Variants in DCLRE1C observed in about 807,000 individuals in gnomAD.
DCLRE1C encodes the protein DNA cross-link repair 1C, also known as protein artemis.
In DCLRE1C, 47 loss-of-function variants were observed where a neutral mutation model predicts 61.4. The observed-to-expected ratio is 0.77, with a 90% CI of 0.61 to 0.98. DCLRE1C has a LOEUF of 0.98. Among genes scored for constraint, DCLRE1C ranks in the 50% least tolerant of loss-of-function variants. The probability of loss-of-function intolerance (pLI) is 0.00; values close to 1 mark genes in which losing one functional copy is unlikely to be tolerated. For synonymous variants in DCLRE1C, 337 were observed against 287.6 expected, an observed-to-expected ratio of 1.17 and a Z score of -1.74; for missense variants, 858 against 816.0, an observed-to-expected ratio of 1.05 and a Z score of -0.63.
chr10:14,903,918 C>A (rs1834183014), downstream of DCLRE1C: 1 of 152,176 alleles, frequency 6.6e-6, no homozygotes, highest in Non-Finnish European at 1.5e-5. Context: ...AGACTTTATT[C>A]ATTATATTGC....
At chr10:14,945,348 G>A in intron 2 of DCLRE1C, 159 bp from the exon 3 acceptor site, 1 of 1,382,358 alleles carries the variant, frequency 7.2e-7, no homozygotes. Context: ...TACTAGCCTG[G>A]CATGGTTATG....
rs959243137 is a variant in DCLRE1C, at chr10:14,907,640, C to A, written c.*768G>T. 1.3e-5 allele frequency among the ~76,000 whole-genome samples: 2 copies of A among 152,010 alleles called. No homozygotes were observed. Among genetic ancestry groups the A allele is most frequent in the East Asian group, 1.9e-4 (1 of 5,174 alleles). On this transcript the variant is annotated 3_prime_UTR_variant, in exon 14 of 14. Coordinates refer to ENST00000378278, the MANE Select transcript of DCLRE1C (RefSeq NM_001033855.3). Reference sequence around the variant, plus strand: ...CTTCTTGGTGAACTAGACCTTTTATCATTAGGAAACTGTCCATATAACCAC... The same window carrying A: ...CTTCTTGGTGAACTAGACCTTTTATAATTAGGAAACTGTCCATATAACCAC...
intron 1 of DCLRE1C, among the ~76,000 whole-genome samples, chr10:14,949,454 T>C (rs7910278): frequency 0.98 from 149,334 of 152,338 alleles, 73,212 homozygotes; most frequent in Middle Eastern, 1. Flanking sequence ...CCATTCACTT[T>C]CTGCCACTTA....
chr10:14,900,528 A>G (rs1833931052), downstream of DCLRE1C, among the ~76,000 whole-genome samples: 1 of 152,196 alleles, frequency 6.6e-6, no homozygotes, highest in Non-Finnish European at 1.5e-5. Context: ...TCTTAATGAT[A>G]AATTCGAGAT....
At chr10:14,924,665 G>C (rs926514988) in intron 11 of DCLRE1C, among the ~76,000 whole-genome samples, 1 of 151,926 alleles carries the variant, frequency 6.6e-6, no homozygotes, top group African/African-American at 2.4e-5. Flanking sequence ...TGGCTAACAC[G>C]GTGAAACCCC....
At chr10:14,915,522 A>G (rs1836030445) in intron 13 of DCLRE1C, among the ~76,000 whole-genome samples, 1 of 152,044 alleles carries the variant, frequency 6.6e-6, no homozygotes, top group Admixed American at 6.6e-5. Flanking sequence ...ATGCCAAAAA[A>G]TTAAGCAACA....
Position 14,947,210 on chromosome 10 carries a change from T to TCAAA in DCLRE1C, c.161+1822_161+1825dup, listed in dbSNP as rs72262542. 1.3e-3 allele frequency among the ~76,000 whole-genome samples: 196 copies of TCAAA among 150,048 alleles called. 1 individual carries two copies. Among genetic ancestry groups the TCAAA allele is most frequent in the South Asian group, 6.8e-3 (32 of 4,708 alleles). The stretch of plus-strand genomic sequence containing the variant: ...CTGGGCAGCAGAGTTCGACTCTGTT[T>TCAAA]CAAACAAACAAACAAACAAACAAAC... On this transcript the variant is annotated intron_variant, in intron 2 of 13. Coordinates refer to ENST00000378278, the MANE Select transcript of DCLRE1C (RefSeq NM_001033855.3).
At chr10:14,919,928 T>C in intron 12 of DCLRE1C, 96 bp from the exon 13 acceptor site, 2 of 1,023,040 alleles carry the variant, frequency 2.0e-6, no homozygotes, top group African/African-American at 1.6e-5. Context: ...ATTTTGTTTT[T>C]TAATTTCTTG....
At chr10:14,938,416 A>T (rs1840332485) in intron 4 of DCLRE1C, among the ~76,000 whole-genome samples, 1 of 152,138 alleles carries the variant, frequency 6.6e-6, no homozygotes, top group African/African-American at 2.4e-5. Flanking sequence ...TGATGGGAAG[A>T]ATACTTCAAC....
intron 1 of DCLRE1C, among the ~76,000 whole-genome samples, chr10:14,949,542 G>A (rs144226315): frequency 3.9e-5 from 6 of 152,190 alleles, no homozygotes; most frequent in Admixed American, 6.5e-5. Flanking sequence ...TAAGTGTTTC[G>A]TCATCTTCTC....
chr10:14,936,991 C>G (rs1255928086), intron 4 of DCLRE1C, among the ~76,000 whole-genome samples: 2 of 152,180 alleles, frequency 1.3e-5, no homozygotes, highest in African/African-American at 4.8e-5. Flanking sequence ...AGAACCGACA[C>G]GTGCTGCAAC....
At chr10:14,918,029 T>A (rs1361242173) in intron 13 of DCLRE1C, among the ~76,000 whole-genome samples, 1 of 152,224 alleles carries the variant, frequency 6.6e-6, no homozygotes, top group Non-Finnish European at 1.5e-5. Context: ...TTGGCAACGA[T>A]GTGGAGCAAC....
At chr10:14,945,819 G>A (rs975580147) in intron 2 of DCLRE1C, among the ~76,000 whole-genome samples, 12 of 150,994 alleles carry the variant, frequency 7.9e-5, no homozygotes, top group South Asian at 6.3e-4. Flanking sequence ...CCATGATGCC[G>A]GACTAATTTT....
At chr10:14,945,411 CTG>C (rs1770908787) in intron 2 of DCLRE1C, 1 of 1,272,020 alleles carries the variant, frequency 7.9e-7, no homozygotes, top group South Asian at 1.6e-5. Flanking sequence ...GGCACAAAAT[CTG>C]TTAGAGTCAC....
intron 11 of DCLRE1C, among the ~76,000 whole-genome samples, chr10:14,924,791 G>A (rs1186632599): frequency 1.3e-5 from 2 of 151,838 alleles, no homozygotes; most frequent in East Asian, 1.9e-4. Context: ...AGGTTGCAGT[G>A]AGCCGAGATC....
intron 5 of DCLRE1C, 109 bp from the exon 6 acceptor site, chr10:14,935,673 A>ATTG: frequency 9.3e-7 from 1 of 1,071,470 alleles, no homozygotes; most frequent in Non-Finnish European, 1.4e-6. Context: ...ATCCATTACA[A>ATTG]TACAATGGTA....
intron 1 of DCLRE1C, among the ~76,000 whole-genome samples, chr10:14,950,024 G>A (rs536532681): frequency 6.6e-5 from 10 of 151,308 alleles, no homozygotes; most frequent in Non-Finnish European, 1.0e-4. Flanking sequence ...CGGCCTGGGC[G>A]ACAGAGTGAG....
chr10:14,914,499 T>A (rs1427117304), intron 13 of DCLRE1C, among the ~76,000 whole-genome samples: 2 of 152,214 alleles, frequency 1.3e-5, no homozygotes, highest in Admixed American at 6.5e-5. Flanking sequence ...AACAACATTG[T>A]CAACTAACTT....
At chr10:14,947,210 TCAAACAAACAAACAAA>T (rs72262542) in intron 2 of DCLRE1C, among the ~76,000 whole-genome samples, 3 of 149,934 alleles carry the variant, frequency 2.0e-5, no homozygotes, top group African/African-American at 4.9e-5. Context: ...CGACTCTGTT[TCAAACAAACAAACAAA>T]CAAACAAACA....
Sources: gnomAD v4.1 joint callset for allele counts (sites outside exome capture counted in the v4.1 genomes callset) on GRCh38, gnomAD v4.1.1 for gene constraint, MANE v1.5 for transcripts, NCBI Gene and HGNC (gene_info 2026-07-23, HGNC 2026-07-21) for gene names.